The following OR4N2 variants were observed in gnomAD, a reference collection of about 807,000 sequenced individuals.
The protein encoded by OR4N2 is olfactory receptor 4N2.
For missense variants in OR4N2, 307 were observed against 377.6 expected (o/e 0.81, Z 1.55); for synonymous variants, 141 against 140.4 (o/e 1.00, Z -0.03).
At position 19,828,007 on chromosome 14, in the gene OR4N2, C is replaced by T; in HGVS notation, c.559C>T (p.Leu187=). ...FFCDVPQVIK[L]ACTDTFVVEL... is the part of the protein sequence containing the mutation. ...CTGTGATGTCCCACAGGTCATCAAG[C>T]TGGCCTGCACCGACACATTTGTGGT... The change falls in exon 2 of 2, where the codon CTG becomes TTG. Residue 187 remains leucine (L), a synonymous_variant. Transcript: ENST00000557677. 2 of 1,614,250 alleles carry T rather than the reference C, an allele frequency of 1.2e-6. No individual in the cohort carries two copies. The highest frequency in any genetic ancestry group is 1.7e-6 in the Non-Finnish European group (2 of 1,180,046).
Position 19,829,837 on chromosome 14 carries a change from A to G in OR4N2, c.*1465A>G, listed in dbSNP as rs1369862745. 5.2e-5 allele frequency: 8 copies of G among 152,386 alleles called. No homozygotes were observed. The highest frequency in any genetic ancestry group is 8.8e-5 in the Non-Finnish European group (6 of 68,046). 9.4% of individuals were successfully genotyped at this position (152,386 alleles called of 1,614,324 possible). ...TAGGAATATAAATTTTGTACATGGT[A>G]AAAATATTCAGACTATAGAAAAAGT... On this transcript the variant is annotated 3_prime_UTR_variant, in exon 2 of 2. Coordinates refer to ENST00000557677, the MANE Select transcript of OR4N2 (RefSeq NM_001004723.3).
intron 1 of OR4N2, among the ~76,000 whole-genome samples, chr14:19,826,124 T>C (rs1466994378): frequency 1.3e-5 from 2 of 152,260 alleles, no homozygotes; most frequent in Non-Finnish European, 2.9e-5. Flanking sequence ...TATAAAATGT[T>C]ATACACCGAC....
intron 1 of OR4N2, among the ~76,000 whole-genome samples, chr14:19,813,841 C>CT (rs34020966): frequency 4.7e-4 from 69 of 146,124 alleles, no homozygotes; most frequent in Middle Eastern, 6.9e-3. Context: ...GTTTCTTCAC[C>CT]TTTTTTTTTT....
rs1276006821 is a variant in OR4N2, at chr14:19,828,095, C to T, written c.647C>T (p.Ala216Val). Residue 216 changes from alanine to valine, a missense_variant, in exon 2 of 2, where the codon GCC becomes GTC. Transcript: ENST00000557677. ...CTCCTGTGCTTTCTGGGGCTTCTGG[C>T]CTCCTATGCAGTCATTCTTTGTCGC... ...MTLLCFLGLLASYAVILCRIR... is the reference protein window; with the variant it reads ...MTLLCFLGLLVSYAVILCRIR... 5.6e-6 allele frequency: 9 copies of T among 1,614,120 alleles called. No individual in the cohort carries two copies. The African/African-American group carries it at 1.2e-4, about 22-fold the overall frequency.
At chr14:19,811,378 C>G (rs192234237) in intron 1 of OR4N2, among the ~76,000 whole-genome samples, 37 of 152,314 alleles carry the variant, frequency 2.4e-4, no homozygotes, top group Non-Finnish European at 4.6e-4. Context: ...TCCCAAATAG[C>G]TGATACTACA....
chr14:19,816,185 CT>C (rs58039580), intron 1 of OR4N2, among the ~76,000 whole-genome samples: 65,428 of 148,760 alleles, frequency 0.44, 10,210 homozygotes, highest in East Asian at 0.51. Context: ...TATACAGGCT[CT>C]TTTTTTGTTC....
intron 1 of OR4N2, among the ~76,000 whole-genome samples, chr14:19,813,950 TTCTCTC>T (rs57328169): frequency 1.3e-5 from 2 of 151,876 alleles, no homozygotes; most frequent in African/African-American, 4.8e-5. Flanking sequence ...TTTTCTGTAC[TTCTCTC>T]TCTCTCTTTT....
chr14:19,822,899 G>A (rs1344705068), intron 1 of OR4N2, among the ~76,000 whole-genome samples: 3 of 152,210 alleles, frequency 2.0e-5, no homozygotes, highest in Admixed American at 6.5e-5. Context: ...CACACAATAA[G>A]TTAATTGCTC....
chr14:19,816,286 G>T (rs1049294714), intron 1 of OR4N2, among the ~76,000 whole-genome samples: 1 of 149,886 alleles, frequency 6.7e-6, no homozygotes, highest in African/African-American at 2.4e-5. Flanking sequence ...AAATTACTTT[G>T]GGCAATATGG....
chr14:19,809,169 A>AT (rs1879236739), intron 1 of OR4N2, among the ~76,000 whole-genome samples: 1 of 152,202 alleles, frequency 6.6e-6, no homozygotes, highest in African/African-American at 2.4e-5. Context: ...AAAAAATGAA[A>AT]CTTGACCCTT....
At chr14:19,817,808 T>G (rs1296989152) in intron 1 of OR4N2, among the ~76,000 whole-genome samples, 1 of 152,280 alleles carries the variant, frequency 6.6e-6, no homozygotes, top group Non-Finnish European at 1.5e-5. Context: ...CTTTCCTGCT[T>G]TAAGCTGTTG....
chr14:19,808,685 C>T (rs1879224093), intron 1 of OR4N2, among the ~76,000 whole-genome samples: 1 of 152,158 alleles, frequency 6.6e-6, no homozygotes, highest in Non-Finnish European at 1.5e-5. Context: ...TTCTATCTCA[C>T]TACCAACACC....
At chr14:19,823,843 G>A (rs1173622230) in intron 1 of OR4N2, among the ~76,000 whole-genome samples, 1 of 152,142 alleles carries the variant, frequency 6.6e-6, no homozygotes, top group African/African-American at 2.4e-5. Flanking sequence ...TAAAGAAAGA[G>A]AGAAAAAGAA....
intron 1 of OR4N2, among the ~76,000 whole-genome samples, chr14:19,807,476 T>C (rs1478569981): frequency 1.3e-5 from 2 of 151,634 alleles, no homozygotes; most frequent in Non-Finnish European, 1.5e-5. Context: ...AATTAGAAAA[T>C]CTAGAAGAAA....
chr14:19,810,296 A>G (rs1203119509), intron 1 of OR4N2, among the ~76,000 whole-genome samples: 1 of 152,216 alleles, frequency 6.6e-6, no homozygotes, highest in African/African-American at 2.4e-5. Flanking sequence ...CGAGATACCA[A>G]CTCACAGCAG....
At chr14:19,819,819 A>C (rs1304567842) in intron 1 of OR4N2, among the ~76,000 whole-genome samples, 1 of 152,182 alleles carries the variant, frequency 6.6e-6, no homozygotes, top group Non-Finnish European at 1.5e-5. Flanking sequence ...ATCTTTATGG[A>C]CCTATCTAAC....
chr14:19,824,123 T>C (rs1209656225), intron 1 of OR4N2, among the ~76,000 whole-genome samples: 1 of 152,276 alleles, frequency 6.6e-6, no homozygotes, highest in African/African-American at 2.4e-5. Flanking sequence ...TACAGACTTT[T>C]GACAGAACTT....
Position 19,830,082 on chromosome 14 carries a change from TC to T in OR4N2, c.*1715del, listed in dbSNP as rs970085082. On this transcript the variant is annotated 3_prime_UTR_variant, in exon 2 of 2. Coordinates refer to ENST00000557677, the MANE Select transcript of OR4N2 (RefSeq NM_001004723.3). ...CCTTCCACCTGTGCACCAGATTCCA[TC>T]CCCCTCCTCTCTACTAAAGGCAATT... 3.9e-5 allele frequency: 6 copies of T among 152,546 alleles called. No individual in the cohort carries two copies. The highest frequency in any genetic ancestry group is 1.2e-4 in the African/African-American group (5 of 41,388). The allele number at this position is 152,546 out of a possible 1,614,324, so 9.4% of individuals were successfully genotyped here.
At chr14:19,816,731 G>A (rs1594397549) in intron 1 of OR4N2, among the ~76,000 whole-genome samples, 1 of 152,210 alleles carries the variant, frequency 6.6e-6, no homozygotes, top group East Asian at 1.9e-4. Flanking sequence ...CCAATACTGT[G>A]TTGAATAAGG....
Sources: allele counts gnomAD v4.1 joint callset (sites outside exome capture counted in the v4.1 genomes callset), GRCh38; gene constraint gnomAD v4.1.1; transcripts MANE v1.5; gene names NCBI Gene and HGNC (gene_info 2026-07-23, HGNC 2026-07-21).